Variants in FLG observed in about 807,000 individuals in gnomAD.
The protein encoded by FLG is filaggrin.
In FLG, 6 loss-of-function variants were observed where a neutral mutation model predicts 3.8. That is an observed-to-expected ratio of 1.60 (90% CI 0.87 to 3.15). The LOEUF is 3.15. FLG is among the 30% of genes most tolerant of loss of function. The pLI is 0.00. For synonymous variants in FLG, 2,551 were observed against 1,931.6 expected, an observed-to-expected ratio of 1.32 and a Z score of -8.41; for missense variants, 7,595 against 5,050.9, an observed-to-expected ratio of 1.50 and a Z score of -15.27.
chr1:152,303,782 C>T lies in FLG; in HGVS notation c.11104G>A (p.Gly3702Arg), dbSNP rs765311162. Residue 3702 changes from glycine to arginine, a missense_variant, in exon 3 of 3, where the codon GGA (glycine) becomes AGA (arginine). Gly to Arg is a moderately radical substitution (Grantham distance 125, BLOSUM62 -2). Transcript: ENST00000368799. ...AAAGACCCTGAACGTCCAGACCTTC[C>T]TGCTGACCGGCCACGTGTGGACTCT... The part of the protein sequence containing the change: ...HQESTRGRSA[G>R]RSGRSGSFLY... 8 of 1,613,608 alleles carry T rather than the reference C, an allele frequency of 5.0e-6. No homozygotes were observed. In the South Asian group the frequency reaches 7.7e-5, roughly 16 times the overall value.
chr1:152,302,505 A>G lies in FLG; in HGVS notation c.*195T>C, dbSNP rs371300325. 5.8e-6 allele frequency: 4 copies of G among 691,052 alleles called. No homozygotes were observed. The highest frequency in any genetic ancestry group is 3.0e-5 in the Admixed American group (1 of 32,816). The allele number at this position is 691,052 out of a possible 1,614,324, so 42.8% of individuals were successfully genotyped here. A position where few individuals can be genotyped will look rare whatever the true frequency, so the allele number is the denominator to read the frequency against. On this transcript the variant is annotated 3_prime_UTR_variant, in exon 3 of 3. Transcript: ENST00000368799. ...ATGATATTGATTTCTTCCATTTAAT[A>G]TTTCTGAAATATAGCGTTTAAAGAT... is the stretch of plus-strand genomic sequence containing the variant.
At chr1:152,324,517 G>C (rs1487928101) in intron 1 of FLG, among the ~76,000 whole-genome samples, 3 of 151,792 alleles carry the variant, frequency 2.0e-5, no homozygotes, top group Non-Finnish European at 4.4e-5. Context: ...TAATTCCCTA[G>C]AGAGGTCTTC....
rs753011537 is a variant in FLG at position 152,310,519 on chromosome 1, C to T, written c.4367G>A (p.Gly1456Glu). Residue 1456 changes from glycine to glutamate, a missense_variant, in exon 3 of 3, where the codon GGA (glycine) becomes GAA (glutamate). Coordinates refer to ENST00000368799, the MANE Select transcript of FLG (RefSeq NM_002016.2). ...TCCTCCAGTGCTGGGTGCAGTCTGT[C>T]CGTGTGTGGACTCAGACTGTTCATG... The part of the protein sequence containing the change: ...SSHEQSESTH[G>E]QTAPSTGGRQ... The T allele has an allele frequency of 5.0e-6, 8 of 1,613,608 alleles. No individual in the cohort carries two copies. In the South Asian group the frequency reaches 7.7e-5, roughly 16 times the overall value.
Position 152,307,118 on chromosome 1 carries a change from T to C in FLG, c.7768A>G (p.Asn2590Asp). Reference protein sequence around the residue: ...SERWSGSASRNHHGSAQEQLR... With the variant: ...SERWSGSASRDHHGSAQEQLR... ...TGCTCCTGAGCAGATCCATGATGGT[T>C]TCTGGAAGCAGACCCAGACCACCTC... Residue 2590 changes from asparagine to aspartate, a missense_variant, in exon 3 of 3, where the codon AAC (asparagine) becomes GAC (aspartate). By Grantham distance (23) the Asn-to-Asp change is conservative (BLOSUM62 1). Coordinates refer to ENST00000368799, the MANE Select transcript of FLG (RefSeq NM_002016.2). 6.2e-7 allele frequency: 1 copy of C among 1,611,836 alleles called. No individual in the cohort carries two copies. Among genetic ancestry groups the C allele is most frequent in the Non-Finnish European group, 8.5e-7 (1 of 1,179,840 alleles).
At position 152,305,258 on chromosome 1, in the gene FLG, G is replaced by C. The variant is rs571141981; in HGVS notation, c.9628C>G (p.Arg3210Gly). Reference sequence around the variant, plus strand: ...TCCTGGCTCACACTGGATCCCTGGCGCCTGCTTCTCCTGGACCCCTCTGAT... The same window carrying C: ...TCCTGGCTCACACTGGATCCCTGGCCCCTGCTTCTCCTGGACCCCTCTGAT... ...GQSEGSRRSR[R>G]QGSSVSQDSD... Residue 3210 changes from arginine (R) to glycine (G), a missense_variant, in exon 3 of 3, where the codon CGC (arginine) becomes GGC (glycine). Physicochemically the swap from Arg to Gly is moderately radical, Grantham distance 125. Coordinates refer to ENST00000368799, the MANE Select transcript of FLG (RefSeq NM_002016.2). The C allele has an allele frequency of 6.2e-7, 1 of 1,612,326 alleles. No homozygotes were observed. The highest frequency in any genetic ancestry group is 8.5e-7 in the Non-Finnish European group (1 of 1,179,714).
Position 152,304,413 on chromosome 1 carries a change from A to C in FLG, c.10473T>G (p.Asn3491Lys), listed in dbSNP as rs3126067. 5 of 1,610,358 alleles carry C rather than the reference A, an allele frequency of 3.1e-6. 1 individual carries two copies. Among genetic ancestry groups the C allele is most frequent in the Non-Finnish European group, 4.2e-6 (5 of 1,178,480 alleles). The change falls in exon 3 of 3, where the codon AAT (asparagine) becomes AAG (lysine). Residue 3491 changes from asparagine (N) to lysine (K), a missense_variant. Asn to Lys is a moderately conservative substitution (Grantham distance 94, BLOSUM62 0). Coordinates refer to ENST00000368799, the MANE Select transcript of FLG (RefSeq NM_002016.2). ...GSRSASRQTR[N>K]DEQSGDGSRH... ...TGGAGCCATCTCCTGATTGTTCGTCATTACGAGTTTGTCTGCTGGCACTTC... is the reference window on the plus strand; with the variant it reads ...TGGAGCCATCTCCTGATTGTTCGTCCTTACGAGTTTGTCTGCTGGCACTTC...
Position 152,311,393 on chromosome 1 carries a change from T to A in FLG, c.3493A>T (p.Ile1165Phe). 1.2e-6 allele frequency: 2 copies of A among 1,613,618 alleles called. No homozygotes were observed. Residue 1165 changes from isoleucine (I) to phenylalanine (F), a missense_variant, in exon 3 of 3, where the codon ATT becomes TTT. Physicochemically the swap from Ile to Phe is conservative, Grantham distance 21. Transcript: ENST00000368799. ...CTCCTTGACCCCGGGTGTGCACGAA[T>A]GGTGTCCTGACCCTCTTGGGACGCT... ...HSASQEGQDT[I>F]RAHPGSRRGG...
At chr1:152,318,635 C>T (rs1236949153) in intron 1 of FLG, among the ~76,000 whole-genome samples, 1 of 151,842 alleles carries the variant, frequency 6.6e-6, no homozygotes, top group African/African-American at 2.4e-5. Flanking sequence ...TACCATCTAT[C>T]TGATGACTTC....
rs367607009 is a variant in FLG at position 152,304,626 on chromosome 1, G to C, written c.10260C>G (p.Asp3420Glu). Residue 3420 changes from aspartate to glutamate, a missense_variant, in exon 3 of 3, where the codon GAC becomes GAG. Asp to Glu is a conservative substitution (Grantham distance 45). Transcript: ENST00000368799. Reference protein sequence around the residue: ...RQGSHHEQARDSSRHSASQEG... With the variant: ...RQGSHHEQARESSRHSASQEG... ...CTTGGGACGCTGAGTGCCTGGAGCT[G>C]TCTCGTGCCTGCTCGTGGTGGGATC... The C allele has an allele frequency of 3.7e-6, 6 of 1,613,064 alleles. No individual in the cohort carries two copies. Among genetic ancestry groups the C allele is most frequent in the Non-Finnish European group, 5.1e-6 (6 of 1,179,726 alleles).
chr1:152,314,401 T>G lies in FLG; in HGVS notation c.485A>C (p.Lys162Thr), dbSNP rs1287875843. 6.2e-7 allele frequency: 1 copy of G among 1,613,376 alleles called. No homozygotes were observed. Among genetic ancestry groups the G allele is most frequent in the East Asian group, 2.2e-5 (1 of 44,862 alleles). ...TTCTCTATGAGTAGGTGAATATCCT[T>G]TTCTTTCTTTTTTTTCAGAACTAGA... Reference protein sequence around the residue: ...HESSSEKKERKGYSPTHREEE... With the variant: ...HESSSEKKERTGYSPTHREEE... The change falls in exon 3 of 3, where the codon AAA becomes ACA. Residue 162 changes from lysine to threonine, a missense_variant. Transcript: ENST00000368799.
rs779743974 is a variant in FLG at position 152,303,617 on chromosome 1, T to C, written c.11269A>G (p.Thr3757Ala). 2.9e-5 allele frequency: 46 copies of C among 1,613,640 alleles called. No individual in the cohort carries two copies. Among genetic ancestry groups the C allele is most frequent in the Middle Eastern group, 3.3e-4 (2 of 6,078 alleles). Residue 3757 changes from threonine (T) to alanine (A), a missense_variant, in exon 3 of 3, where the codon ACC becomes GCC. Physicochemically the swap from Thr to Ala is moderately conservative, Grantham distance 58 (BLOSUM62 0). Coordinates refer to ENST00000368799, the MANE Select transcript of FLG (RefSeq NM_002016.2). ...RHSASQEGQD[T>A]IRGHPGSRRG... is the part of the protein sequence containing the mutation. ...CTTGACCCCGGGTGTCCACGAATGG[T>C]GTCCTGACCCTCTTGGGACGCTGAG...
Position 152,303,826 on chromosome 1 carries a change from G to A in FLG, c.11060C>T (p.Pro3687Leu). The change falls in exon 3 of 3, where the codon CCC becomes CTC. Residue 3687 changes from proline to leucine, a missense_variant. Pro to Leu is a moderately conservative substitution (Grantham distance 98, BLOSUM62 -3). Transcript: ENST00000368799. Reference sequence around the variant, plus strand: ...GGACTCTTGGTGGCTCTGCTGATGGGGCCCAGCCTGTCCGTGGGCTGACAC... The same window carrying A: ...GGACTCTTGGTGGCTCTGCTGATGGAGCCCAGCCTGTCCGTGGGCTGACAC... Reference protein sequence around the residue: ...QSVSAHGQAGPHQQSHQESTR... With the variant: ...QSVSAHGQAGLHQQSHQESTR... 6 of 1,613,594 alleles carry A rather than the reference G, an allele frequency of 3.7e-6. No homozygotes were observed. The highest frequency in any genetic ancestry group is 5.1e-6 in the Non-Finnish European group (6 of 1,179,840).
In FLG at chr1:152,314,158, GC is replaced by G. The variant is rs753134537; in HGVS notation, c.727del (p.Ala243ProfsTer9). The G allele has an allele frequency of 1.2e-6, 2 of 1,614,090 alleles. No homozygotes were observed. Among genetic ancestry groups the G allele is most frequent in the South Asian group, 2.2e-5 (2 of 91,084 alleles). On this transcript the variant is annotated frameshift_variant, in exon 3 of 3. Coordinates refer to ENST00000368799, the MANE Select transcript of FLG (RefSeq NM_002016.2). LOFTEE classifies it low-confidence loss of function (END_TRUNC). ...TAATAGACTATCAGTGGTGTCATAG[GC>G]TTCATCCTGGATTGTGTAATATGTG... The part of the protein sequence containing the change: ...IATYYTIQDE[A>X]YDTTDSLLEE...
chr1:152,318,097 C>A (rs1445527422), intron 1 of FLG, among the ~76,000 whole-genome samples: 1 of 151,902 alleles, frequency 6.6e-6, no homozygotes, highest in East Asian at 1.9e-4. Flanking sequence ...CATCTTAAAA[C>A]CCTTCCCTCG....
chr1:152,304,334 G>A lies in FLG; in HGVS notation c.10552C>T (p.His3518Tyr), dbSNP rs745989531. Residue 3518 changes from histidine to tyrosine, a missense_variant, in exon 3 of 3, where the codon CAC becomes TAC. Transcript: ENST00000368799. The stretch of plus-strand genomic sequence containing the variant: ...GATTGTCCCTGGCCGGACTGTGAGT[G>A]TCTAGAGCTGTCCGCCTGAGTGGAA... ...EASTQADSSR[H>Y]SQSGQGQSAG... 16 of 1,611,786 alleles carry A rather than the reference G, an allele frequency of 9.9e-6. No homozygotes were observed. The South Asian group carries it at 1.5e-4, about 16-fold the overall frequency.
At chr1:152,324,007 T>A (rs1653063721) in intron 1 of FLG, among the ~76,000 whole-genome samples, 1 of 151,756 alleles carries the variant, frequency 6.6e-6, no homozygotes, top group Non-Finnish European at 1.5e-5. Context: ...AATGGATAGA[T>A]TTGGCAGGTT....
At position 152,307,196 on chromosome 1, in the gene FLG, C is replaced by G. The variant is rs751450452; in HGVS notation, c.7690G>C (p.Gly2564Arg). 8 of 1,612,736 alleles carry G rather than the reference C, an allele frequency of 5.0e-6. No homozygotes were observed. In the Admixed American group the frequency reaches 1.3e-4, roughly 27 times the overall value. Residue 2564 changes from glycine to arginine, a missense_variant, in exon 3 of 3, where the codon GGA (glycine) becomes CGA (arginine). Transcript: ENST00000368799. ...TCACTGTCCTGGCTAAAACTGGATC[C>G]CCAGTTCCTGCTTGTCCTGGGCCCC... ...SEGPRTSRNW[G>R]SSFSQDSDSQ... is the part of the protein sequence containing the mutation.
rs777512372 is a variant in FLG at position 152,310,286 on chromosome 1, G to A, written c.4600C>T (p.Gln1534Ter). The A allele has an allele frequency of 5.0e-6, 8 of 1,613,896 alleles. No homozygotes were observed. Among genetic ancestry groups the A allele is most frequent in the Admixed American group, 1.7e-5 (1 of 59,984 alleles). Residue 1534 changes from glutamine (Q) to a stop codon, truncating the protein, a stop_gained, in exon 3 of 3, where the codon CAG (glutamine) becomes TAG (stop). Coordinates refer to ENST00000368799, the MANE Select transcript of FLG (RefSeq NM_002016.2). LOFTEE classifies it low-confidence loss of function (END_TRUNC). ...PQGRSDASHGQSGPRSASRQT... is the reference protein window; with the variant it reads ...PQGRSDASHG ...CTGCTTGCACTTCTGGGTCCTGACT[G>A]CCCATGGGAGGCATCAGACCTTCCC... is the stretch of plus-strand genomic sequence containing the variant.
chr1:152,309,255 G>A lies in FLG; in HGVS notation c.5631C>T (p.Gly1877=), dbSNP rs566385071. 1.9e-6 allele frequency: 3 copies of A among 1,613,746 alleles called. No homozygotes were observed. Among genetic ancestry groups the A allele is most frequent in the Admixed American group, 3.3e-5 (2 of 59,980 alleles). Residue 1877 remains glycine (G), a synonymous_variant, in exon 3 of 3, where the codon GGC becomes GGT. Transcript: ENST00000368799. ...QTRNEKQSGD[G]SRHSGSRHHE... ...GGTGACGCGACCCTGAGTGCCTGGA[G>A]CCGTCTCCTGATTGTTTCTCATTAC...
Sources: allele counts gnomAD v4.1 joint callset (sites outside exome capture counted in the v4.1 genomes callset), GRCh38; gene constraint gnomAD v4.1.1; transcripts MANE v1.5; gene names NCBI Gene and HGNC (gene_info 2026-07-23, HGNC 2026-07-21).